The following SPON1 variants were observed in gnomAD, a reference collection of about 807,000 sequenced individuals.
SPON1 encodes the protein spondin-1.
SPON1 carries 52 observed loss-of-function variants against 111.7 expected under a neutral mutation model. The observed-to-expected ratio is 0.47, with a 90% CI of 0.37 to 0.59. SPON1 has a LOEUF of 0.59. SPON1 is among the 20% of genes least tolerant of loss of function. The pLI is 0.00. For synonymous variants in SPON1, 410 were observed against 395.8 expected (o/e 1.04, Z -0.43); for missense variants, 957 against 1,068.5 (o/e 0.90, Z 1.46).
chr11:14,176,530 A>G (rs1163968002), intron 6 of SPON1, among the ~76,000 whole-genome samples: 1 of 152,054 alleles, frequency 6.6e-6, no homozygotes, highest in Non-Finnish European at 1.5e-5. Context: ...AGGGCTACAG[A>G]CACCCCACCA....
intron 2 of SPON1, among the ~76,000 whole-genome samples, chr11:14,030,893 G>C (rs1554915971): frequency 6.6e-6 from 1 of 152,160 alleles, no homozygotes. Flanking sequence ...CTACAAAAAA[G>C]ACATAAGCAC....
At chr11:14,092,203 G>A (rs1330206365) in intron 5 of SPON1, among the ~76,000 whole-genome samples, 16 of 152,222 alleles carry the variant, frequency 1.1e-4, no homozygotes, top group Admixed American at 1.0e-3. Flanking sequence ...GTATGTGGCA[G>A]TGAAAAATAT....
At chr11:14,173,227 C>T (rs1189193195) in intron 6 of SPON1, among the ~76,000 whole-genome samples, 1 of 152,048 alleles carries the variant, frequency 6.6e-6, no homozygotes, top group Non-Finnish European at 1.5e-5. Flanking sequence ...TCTCTTCTCA[C>T]TTCATTTCAT....
intron 6 of SPON1, among the ~76,000 whole-genome samples, chr11:14,216,509 T>C (rs1554937159): frequency 6.6e-6 from 1 of 152,222 alleles, no homozygotes; most frequent in Non-Finnish European, 1.5e-5. Flanking sequence ...ATTGTCTTAG[T>C]CTGTTTTTTG....
Position 14,256,651 on chromosome 11 carries a change from A to G in SPON1, c.1268A>G (p.Asp423Gly). ...EQCNIVPDNV[D>G]DIVADLAPEE... ...TGCAATATTGTACCTGACAATGTCGATGATATTGTAGCTGACCTGGCTCCA... is the reference window on the plus strand; with the variant it reads ...TGCAATATTGTACCTGACAATGTCGGTGATATTGTAGCTGACCTGGCTCCA... The change falls in exon 10 of 16, where the codon GAT becomes GGT. Residue 423 changes from aspartate (D) to glycine (G), a missense_variant. Physicochemically the swap from Asp to Gly is moderately conservative, Grantham distance 94. Transcript: ENST00000576479. 1 of 1,613,734 alleles carries G rather than the reference A, an allele frequency of 6.2e-7. No individual in the cohort carries two copies. The highest frequency in any genetic ancestry group is 8.5e-7 in the Non-Finnish European group (1 of 1,179,724).
intron 7 of SPON1, among the ~76,000 whole-genome samples, chr11:14,244,701 C>T (rs1294294907): frequency 1.3e-5 from 2 of 152,090 alleles, no homozygotes; most frequent in African/African-American, 4.8e-5. Flanking sequence ...GAGCCGTGAT[C>T]GCACCACTGC....
At chr11:14,193,984 G>A (rs1440603223) in intron 6 of SPON1, among the ~76,000 whole-genome samples, 2 of 152,192 alleles carry the variant, frequency 1.3e-5, no homozygotes, top group African/African-American at 4.8e-5. Flanking sequence ...GTTTACAGAA[G>A]GACCCCTGCT....
At chr11:14,018,276 A>G (rs1554914490) in intron 2 of SPON1, among the ~76,000 whole-genome samples, 2 of 152,210 alleles carry the variant, frequency 1.3e-5, no homozygotes, top group Non-Finnish European at 2.9e-5. Flanking sequence ...AGCCCTTAGT[A>G]GGTCCCAAAT....
At chr11:14,086,497 G>T (rs879993154) in intron 5 of SPON1, among the ~76,000 whole-genome samples, 1 of 152,086 alleles carries the variant, frequency 6.6e-6, no homozygotes, top group Non-Finnish European at 1.5e-5. Flanking sequence ...GTATGAAGCC[G>T]ACTTGATCAT....
intron 5 of SPON1, among the ~76,000 whole-genome samples, chr11:14,092,988 A>G (rs1849071158): frequency 6.6e-6 from 1 of 152,172 alleles, no homozygotes; most frequent in African/African-American, 2.4e-5. Flanking sequence ...TACACAAAGC[A>G]TCTTTTAATA....
intron 6 of SPON1, among the ~76,000 whole-genome samples, chr11:14,193,889 C>T (rs1338453854): frequency 1.3e-5 from 2 of 152,198 alleles, no homozygotes; most frequent in South Asian, 2.1e-4. Context: ...CAGTGGTGGC[C>T]ACTCATGGCT....
chr11:14,076,430 G>T (rs1848918664), intron 4 of SPON1, among the ~76,000 whole-genome samples: 1 of 152,172 alleles, frequency 6.6e-6, no homozygotes, highest in South Asian at 2.1e-4. Flanking sequence ...TATGTTTGGG[G>T]TGCTTTGCTA....
intron 6 of SPON1, among the ~76,000 whole-genome samples, chr11:14,171,104 G>T (rs1471565602): frequency 2.0e-5 from 3 of 152,164 alleles, no homozygotes; most frequent in Non-Finnish European, 4.4e-5. Context: ...GTAGAATTCA[G>T]CTGTGAATCT....
At chr11:14,258,013 A>G in intron 11 of SPON1, 115 bp downstream of exon 11, 2 of 999,410 alleles carry the variant, frequency 2.0e-6, no homozygotes, top group Non-Finnish European at 2.8e-6. Flanking sequence ...AGTAGATGTC[A>G]GTGGGGTCCA....
intron 5 of SPON1, among the ~76,000 whole-genome samples, chr11:14,121,029 C>T (rs1849301100): frequency 6.6e-6 from 1 of 152,186 alleles, no homozygotes; most frequent in Non-Finnish European, 1.5e-5. Flanking sequence ...CATACAACAA[C>T]ATGGATAAAT....
chr11:14,036,348 A>G (rs1848594054), intron 2 of SPON1, among the ~76,000 whole-genome samples: 1 of 152,232 alleles, frequency 6.6e-6, no homozygotes, highest in Admixed American at 6.5e-5. Flanking sequence ...CCAGGGTAAT[A>G]GTAAGAATGG....
chr11:14,238,244 G>A (rs1320789200), intron 6 of SPON1, among the ~76,000 whole-genome samples: 1 of 152,078 alleles, frequency 6.6e-6, no homozygotes, highest in Admixed American at 6.5e-5. Context: ...CTTCCTGTGG[G>A]GAGGAGAGAT....
intron 5 of SPON1, among the ~76,000 whole-genome samples, chr11:14,099,856 T>C (rs1265282717): frequency 5.9e-5 from 9 of 152,052 alleles, no homozygotes; most frequent in East Asian, 3.9e-4. Flanking sequence ...AAGCAACTGA[T>C]GTCATACGGT....
chr11:14,053,438 A>C (rs544464615), intron 3 of SPON1, among the ~76,000 whole-genome samples: 17 of 152,216 alleles, frequency 1.1e-4, no homozygotes, highest in African/African-American at 4.1e-4. Context: ...ACTTAACATA[A>C]TGTTTTTGAG....
Sources: allele counts gnomAD v4.1 joint callset (sites outside exome capture counted in the v4.1 genomes callset), GRCh38; gene constraint gnomAD v4.1.1; transcripts MANE v1.5; gene names NCBI Gene and HGNC (gene_info 2026-07-23, HGNC 2026-07-21).